The following TP63 variants were observed in gnomAD, a reference collection of about 807,000 sequenced individuals.
The protein encoded by TP63 is tumor protein 63.
In TP63, 17 loss-of-function variants were observed where a neutral mutation model predicts 82.8. That is an observed-to-expected ratio of 0.21 (90% CI 0.14 to 0.31). The LOEUF (loss-of-function observed/expected upper bound fraction) is 0.31. TP63 is among the 10% of genes least tolerant of loss of function. The pLI is 1.00. For synonymous variants in TP63, 330 were observed against 321.7 expected, an observed-to-expected ratio of 1.03 and a Z score of -0.28; for missense variants, 648 against 895.3, an observed-to-expected ratio of 0.72 and a Z score of 3.52.
At chr3:189,643,910 CA>C (rs1712160245) in intron 1 of TP63, among the ~76,000 whole-genome samples, 1 of 152,184 alleles carries the variant, frequency 6.6e-6, no homozygotes, top group South Asian at 2.1e-4. Context: ...TCTCAACCAT[CA>C]AAGTGATTTA....
At chr3:189,832,018 G>C (rs1163254024) in intron 4 of TP63, among the ~76,000 whole-genome samples, 1 of 151,798 alleles carries the variant, frequency 6.6e-6, no homozygotes, top group Admixed American at 6.6e-5. Context: ...TTGTAGTAGA[G>C]ACAGGGTTTC....
chr3:189,860,945 C>G (rs1008112651), intron 4 of TP63, among the ~76,000 whole-genome samples: 3 of 152,164 alleles, frequency 2.0e-5, no homozygotes, highest in Non-Finnish European at 4.4e-5. Context: ...GTGTACCTGT[C>G]ACCCAAACAG....
intron 3 of TP63, among the ~76,000 whole-genome samples, chr3:189,793,385 A>C (rs1725358885): frequency 6.6e-6 from 1 of 152,122 alleles, no homozygotes; most frequent in African/African-American, 2.4e-5. Context: ...AGCAACCAAA[A>C]AAATATTGGT....
chr3:189,619,560 A>T, the TP63 span, among the ~76,000 whole-genome samples: 1 of 152,166 alleles, frequency 6.6e-6, no homozygotes. Flanking sequence ...GACACCAAAG[A>T]TGTCCTCTGA....
Position 189,895,820 on chromosome 3 carries a change from T to A in TP63, c.*1318T>A. On this transcript the variant is annotated 3_prime_UTR_variant, in exon 14 of 14. Coordinates refer to ENST00000264731, the MANE Select transcript of TP63 (RefSeq NM_003722.5). Reference sequence around the variant, plus strand: ...GAGTGGTGATTTGAAAAATATAAAATTATGAGATTGGTTTTCCTGTGGCAT... The same window carrying A: ...GAGTGGTGATTTGAAAAATATAAAAATATGAGATTGGTTTTCCTGTGGCAT... 4.4e-6 allele frequency: 1 copy of A among 226,046 alleles called. No individual in the cohort carries two copies. The highest frequency in any genetic ancestry group is 8.8e-6 in the Non-Finnish European group (1 of 113,702). The allele number at this position is 226,046 out of a possible 1,614,324, so 14.0% of individuals were successfully genotyped here.
intron 4 of TP63, among the ~76,000 whole-genome samples, chr3:189,857,143 C>T (rs1486003779): frequency 6.6e-6 from 1 of 151,930 alleles, no homozygotes; most frequent in African/African-American, 2.4e-5. Context: ...GTAGATTAAC[C>T]CAAACAATTT....
At chr3:189,826,929 A>G (rs1711525767) in intron 4 of TP63, among the ~76,000 whole-genome samples, 1 of 152,222 alleles carries the variant, frequency 6.6e-6, no homozygotes, top group Non-Finnish European at 1.5e-5. Flanking sequence ...AGAAAAACAG[A>G]TATAACTCCA....
At chr3:189,836,001 C>T (rs11710350) in intron 4 of TP63, among the ~76,000 whole-genome samples, 2 of 149,670 alleles carry the variant, frequency 1.3e-5, no homozygotes, top group African/African-American at 4.9e-5. Context: ...TTGGCTCACG[C>T]GTCAGACTTC....
chr3:189,674,054 C>G (rs1715171160), intron 1 of TP63, among the ~76,000 whole-genome samples: 1 of 152,042 alleles, frequency 6.6e-6, no homozygotes, highest in Non-Finnish European at 1.5e-5. Context: ...GATTAATTTT[C>G]ATAATGGTGA....
intron 3 of TP63, among the ~76,000 whole-genome samples, chr3:189,743,369 G>A (rs577623822): frequency 9.2e-5 from 14 of 152,240 alleles, no homozygotes; most frequent in Admixed American, 2.0e-4. Flanking sequence ...AGTAGAAATC[G>A]AAATAATACA....
intron 4 of TP63, among the ~76,000 whole-genome samples, chr3:189,849,543 G>A (rs960367480): frequency 1.3e-5 from 2 of 152,074 alleles, no homozygotes; most frequent in Non-Finnish European, 2.9e-5. Flanking sequence ...GTGGTAATGT[G>A]AGAGGAGAGG....
chr3:189,802,000 G>T (rs1157070610), intron 3 of TP63, among the ~76,000 whole-genome samples: 1 of 152,110 alleles, frequency 6.6e-6, no homozygotes, highest in Non-Finnish European at 1.5e-5. Flanking sequence ...TTAACTTGAC[G>T]TTTGAATACC....
At chr3:189,639,461 A>G (rs545152087) in intron 1 of TP63, among the ~76,000 whole-genome samples, 1 of 152,250 alleles carries the variant, frequency 6.6e-6, no homozygotes, top group East Asian at 1.9e-4. Context: ...TAATCTGACT[A>G]TCTTATGGTG....
At chr3:189,863,149 T>A (rs779373616) in intron 4 of TP63, among the ~76,000 whole-genome samples, 1 of 152,180 alleles carries the variant, frequency 6.6e-6, no homozygotes, top group African/African-American at 2.4e-5. Flanking sequence ...TGGGAGGATG[T>A]TGGGGCCAAC....
chr3:189,600,916 A>G, the TP63 span, among the ~76,000 whole-genome samples: 1 of 152,250 alleles, frequency 6.6e-6, no homozygotes, highest in Non-Finnish European at 1.5e-5. Flanking sequence ...ATTAAAGAGC[A>G]TACATACCAT....
intron 1 of TP63, among the ~76,000 whole-genome samples, chr3:189,645,786 C>T (rs9823045): frequency 6.9e-6 from 1 of 145,214 alleles, no homozygotes; most frequent in Non-Finnish European, 1.5e-5. Context: ...ATAGTTTGCT[C>T]AGAATGATGG....
At chr3:189,869,083 T>C (rs1246156694) in intron 8 of TP63, among the ~76,000 whole-genome samples, 2 of 152,160 alleles carry the variant, frequency 1.3e-5, no homozygotes, top group Non-Finnish European at 1.5e-5. Context: ...TATGTATTCT[T>C]CCCTACCATC....
intron 3 of TP63, among the ~76,000 whole-genome samples, chr3:189,745,165 A>G (rs889911405): frequency 3.9e-5 from 6 of 152,352 alleles, no homozygotes; most frequent in East Asian, 1.9e-4. Flanking sequence ...AGAAATGACT[A>G]TTCTACCAGA....
At position 189,667,974 on chromosome 3, in the gene TP63, CAT is replaced by C. The variant is rs1714551718; in HGVS notation, c.62+36399_62+36400del. Among the ~76,000 whole-genome samples, 4 of 152,124 alleles carry C rather than the reference CAT, an allele frequency of 2.6e-5. No homozygotes were observed. The South Asian group carries it at 6.2e-4, about 24-fold the overall frequency. On this transcript the variant is annotated intron_variant, in intron 1 of 13. Coordinates refer to ENST00000264731, the MANE Select transcript of TP63 (RefSeq NM_003722.5). ...ATCAGTCGAGATTTGACCCACAGAC[CAT>C]AGTTTGCTGACCCTACCCAAGAGTA...
Sources: gnomAD v4.1 joint callset for allele counts (sites outside exome capture counted in the v4.1 genomes callset) on GRCh38, gnomAD v4.1.1 for gene constraint, MANE v1.5 for transcripts, NCBI Gene and HGNC (gene_info 2026-07-23, HGNC 2026-07-21) for gene names.